Variants in CDYL observed in about 807,000 individuals in gnomAD.
The protein encoded by CDYL is chromodomain Y like.
Under a neutral mutation model 47.3 loss-of-function variants are expected in CDYL, and 8 were observed. That is an observed-to-expected ratio of 0.17 (90% CI 0.10 to 0.31). CDYL has a LOEUF of 0.31. CDYL is among the 10% of genes least tolerant of loss of function. The probability of loss-of-function intolerance (pLI) is 1.00; values close to 1 mark genes in which losing one functional copy is unlikely to be tolerated. For missense variants in CDYL, 471 were observed against 701.4 expected, an observed-to-expected ratio of 0.67 and a Z score of 3.71; for synonymous variants, 266 against 265.0, an observed-to-expected ratio of 1.00 and a Z score of -0.04.
At position 4,914,010 on chromosome 6, in the gene CDYL, C is replaced by G. The variant is rs566269700; in HGVS notation, c.692-21505C>G. On this transcript the variant is annotated intron_variant, in intron 2 of 6. Coordinates refer to ENST00000397588, the MANE Select transcript of CDYL (RefSeq NM_004824.4). Reference sequence around the variant, plus strand: ...TGAGTCATAGAGGACTGACTGCTCTCTCTATGGTTTCTCCTCTCCTAGGAG... The same window carrying G: ...TGAGTCATAGAGGACTGACTGCTCTGTCTATGGTTTCTCCTCTCCTAGGAG... 3.9e-5 allele frequency among the ~76,000 whole-genome samples: 6 copies of G among 152,312 alleles called. No homozygotes were observed. The South Asian group carries it at 1.2e-3, about 32-fold the overall frequency.
At chr6:4,789,843 A>G (rs1758870905) in intron 1 of CDYL, among the ~76,000 whole-genome samples, 1 of 152,194 alleles carries the variant, frequency 6.6e-6, no homozygotes, top group African/African-American at 2.4e-5. Context: ...CATTCAGAGA[A>G]GTGTAGTTTC....
intron 1 of CDYL, among the ~76,000 whole-genome samples, chr6:4,875,294 T>G (rs976367489): frequency 1.3e-5 from 2 of 152,228 alleles, no homozygotes; most frequent in Non-Finnish European, 2.9e-5. Context: ...GCTATTCTAT[T>G]TATACATTTG....
At chr6:4,941,097 A>G (rs570681836) in intron 4 of CDYL, among the ~76,000 whole-genome samples, 1 of 152,396 alleles carries the variant, frequency 6.6e-6, no homozygotes, top group East Asian at 1.9e-4. Context: ...TGTGGCAAAT[A>G]TCAGCCTCCT....
chr6:4,897,770 C>T (rs1581246960), intron 2 of CDYL, among the ~76,000 whole-genome samples: 1 of 123,048 alleles, frequency 8.1e-6, no homozygotes, highest in African/African-American at 3.0e-5. Context: ...TAACTATTTT[C>T]CTAGGTTTTG....
intron 2 of CDYL, among the ~76,000 whole-genome samples, chr6:4,892,711 T>C (rs1762085675): frequency 6.6e-6 from 1 of 152,258 alleles, no homozygotes. Flanking sequence ...TCTGAAGTGC[T>C]GAGTCTTGTC....
intron 2 of CDYL, among the ~76,000 whole-genome samples, chr6:4,723,926 T>C (rs1757426063): frequency 6.6e-6 from 1 of 152,276 alleles, no homozygotes; most frequent in Non-Finnish European, 1.5e-5. Context: ...GCTCCTGATC[T>C]GCTTTCGGTT....
intron 1 of CDYL, among the ~76,000 whole-genome samples, chr6:4,872,187 A>G (rs1761494630): frequency 6.6e-6 from 1 of 152,128 alleles, no homozygotes. Flanking sequence ...GTTTTTCAAC[A>G]CTAAGGTACC....
chr6:4,933,679 T>TAA (rs2127518371), intron 2 of CDYL, among the ~76,000 whole-genome samples: 1 of 152,244 alleles, frequency 6.6e-6, no homozygotes, highest in African/African-American at 2.4e-5. Context: ...AAAAAGTCTT[T>TAA]CCTGAGTCCC....
At chr6:4,901,846 G>A (rs1757064518) in intron 2 of CDYL, among the ~76,000 whole-genome samples, 1 of 152,144 alleles carries the variant, frequency 6.6e-6, no homozygotes. Context: ...TGGATCTGTG[G>A]CCTGAAGTTA....
chr6:4,764,187 A>T (rs1243205843), intron 3 of CDYL, among the ~76,000 whole-genome samples: 1 of 152,252 alleles, frequency 6.6e-6, no homozygotes, highest in Non-Finnish European at 1.5e-5. Context: ...ATTGTAAGAG[A>T]CATGTAAAAC....
intron 1 of CDYL, among the ~76,000 whole-genome samples, chr6:4,855,619 A>C (rs1189757269): frequency 6.6e-6 from 1 of 152,206 alleles, no homozygotes; most frequent in African/African-American, 2.4e-5. Flanking sequence ...AATTCATCTG[A>C]AAGTTATTTG....
chr6:4,951,951 G>A (rs554906640), intron 5 of CDYL, among the ~76,000 whole-genome samples: 5 of 152,228 alleles, frequency 3.3e-5, no homozygotes, highest in Admixed American at 2.0e-4. Flanking sequence ...CTTTTTAAAC[G>A]AATGGCAAAA....
chr6:4,772,429 AT>A (rs1758351449), upstream of CDYL, among the ~76,000 whole-genome samples: 1 of 152,206 alleles, frequency 6.6e-6, no homozygotes, highest in Non-Finnish European at 1.5e-5. Context: ...ATCAGCTGTT[AT>A]TGGTTGACCA....
At chr6:4,776,860 GC>G in intron 1 of CDYL, 53 bp downstream of exon 1, 2 of 723,466 alleles carry the variant, frequency 2.8e-6, no homozygotes, top group South Asian at 1.2e-4. Context: ...GCCCCTCCCG[GC>G]CCGGCCGCGC....
At chr6:4,902,344 T>C (rs1757090751) in intron 2 of CDYL, among the ~76,000 whole-genome samples, 1 of 149,378 alleles carries the variant, frequency 6.7e-6, no homozygotes, top group African/African-American at 2.5e-5. Flanking sequence ...AGGCAGAGGT[T>C]GCAGTGAGCC....
intron 3 of CDYL, among the ~76,000 whole-genome samples, chr6:4,760,916 G>A (rs563816440): frequency 1.3e-4 from 20 of 151,232 alleles, no homozygotes; most frequent in South Asian, 6.3e-4. Context: ...CCCAACCCCC[G>A]TAGATAAAGT....
intron 1 of CDYL, among the ~76,000 whole-genome samples, chr6:4,820,790 C>A (rs915155354): frequency 1.3e-5 from 2 of 152,164 alleles, no homozygotes; most frequent in African/African-American, 2.4e-5. Flanking sequence ...TGGAAACAGT[C>A]CTGCAAAACG....
At chr6:4,791,439 A>G (rs1310702506) in intron 1 of CDYL, among the ~76,000 whole-genome samples, 1 of 152,216 alleles carries the variant, frequency 6.6e-6, no homozygotes, top group African/African-American at 2.4e-5. Flanking sequence ...TCAATTAGGG[A>G]GTGAAGATTT....
chr6:4,779,490 G>A (rs1262849088), intron 1 of CDYL, among the ~76,000 whole-genome samples: 2 of 152,196 alleles, frequency 1.3e-5, no homozygotes, highest in Non-Finnish European at 2.9e-5. Flanking sequence ...AACCTGGTAT[G>A]TAGTAATAGG....
Sources: gnomAD v4.1 joint callset for allele counts (sites outside exome capture counted in the v4.1 genomes callset) on GRCh38, gnomAD v4.1.1 for gene constraint, MANE v1.5 for transcripts, NCBI Gene and HGNC (gene_info 2026-07-23, HGNC 2026-07-21) for gene names.